The following TRPC4AP variants were observed in gnomAD, a reference collection of about 807,000 sequenced individuals.
TRPC4AP encodes short transient receptor potential channel 4-associated protein.
In TRPC4AP, 45 loss-of-function variants were observed where a neutral mutation model predicts 99.0. That is an observed-to-expected ratio of 0.45 (90% confidence interval 0.36 to 0.58). TRPC4AP has a LOEUF of 0.58. Among genes scored for constraint, TRPC4AP ranks in the 20% least tolerant of loss-of-function variants. The pLI is 0.00. For synonymous variants in TRPC4AP, 408 were observed against 385.8 expected (o/e 1.06, Z -0.67); for missense variants, 879 against 985.3 (o/e 0.89, Z 1.44).
chr20:35,080,725 T>C (rs1717153440), intron 1 of TRPC4AP, among the ~76,000 whole-genome samples: 1 of 151,726 alleles, frequency 6.6e-6, no homozygotes, highest in Admixed American at 6.6e-5. Context: ...TTTTGGGTGA[T>C]AAAATATTCT....
At chr20:35,021,461 G>C in intron 8 of TRPC4AP, 105 bp from the exon 9 acceptor site, 1 of 1,316,166 alleles carries the variant, frequency 7.6e-7, no homozygotes, top group Admixed American at 2.4e-5. Flanking sequence ...CATTCGGCTG[G>C]GCCATGAGCC....
rs2082521166 is a variant in TRPC4AP at position 35,006,501 on chromosome 20, C to T, written c.1761G>A (p.Gly587=). 1 of 1,614,190 alleles carries T rather than the reference C, an allele frequency of 6.2e-7. No individual in the cohort carries two copies. The change falls in exon 15 of 19, where the codon GGG becomes GGA. Residue 587 remains glycine (G), a synonymous_variant. Coordinates refer to ENST00000252015, the MANE Select transcript of TRPC4AP (RefSeq NM_015638.3). ...CATCAACGTTGAACTTCATCAGCTC[C>T]CCCAGGAGGTCAAAGTAACTCTGGA... ...DVLQSYFDLL[G]ELMKFNVDAF... is the part of the protein sequence containing the mutation.
Position 35,021,662 on chromosome 20 carries a change from A to G in TRPC4AP, c.1052-306T>C, listed in dbSNP as rs549828144. Among the ~76,000 whole-genome samples, 17 of 152,274 alleles carry G rather than the reference A, an allele frequency of 1.1e-4. No individual in the cohort carries two copies. The South Asian group carries it at 3.5e-3, about 32-fold the overall frequency. On this transcript the variant is annotated intron_variant, in intron 8 of 18. Transcript: ENST00000252015. ...CTGCTTATGCCCTTCTCCTGCCACC[A>G]ACCAGACCCCCAGGAAGTGCCCAGG...
chr20:35,061,932 T>A (rs1399247682), intron 3 of TRPC4AP, among the ~76,000 whole-genome samples: 2 of 152,118 alleles, frequency 1.3e-5, no homozygotes, highest in Non-Finnish European at 2.9e-5. Context: ...GGAAAATATT[T>A]GCAAATTACA....
At chr20:35,009,589 T>C (rs1474083275) in intron 12 of TRPC4AP, among the ~76,000 whole-genome samples, 2 of 152,154 alleles carry the variant, frequency 1.3e-5, no homozygotes, top group African/African-American at 4.8e-5. Flanking sequence ...GTGGCTGCAG[T>C]GAGCTATAAC....
chr20:35,005,896 C>T, intron 15 of TRPC4AP, 93 bp from the exon 16 acceptor site: 3 of 1,052,032 alleles, frequency 2.9e-6, no homozygotes, highest in Non-Finnish European at 4.3e-6. Context: ...GCATCAGCGA[C>T]CTCTACCAGC....
intron 2 of TRPC4AP, among the ~76,000 whole-genome samples, chr20:35,077,048 T>C (rs563705511): frequency 6.6e-6 from 1 of 152,336 alleles, no homozygotes; most frequent in East Asian, 1.9e-4. Context: ...TCCGTGGGCA[T>C]GGGACCCTCC....
intron 2 of TRPC4AP, 21 bp from the exon 3 acceptor site, chr20:35,069,433 T>G (rs1282343715): frequency 6.8e-7 from 1 of 1,478,310 alleles, no homozygotes; most frequent in South Asian, 1.1e-5. Context: ...TAAAAAAAAG[T>G]ACATACATTG....
At chr20:35,045,397 G>T (rs530292545) in intron 6 of TRPC4AP, among the ~76,000 whole-genome samples, 1 of 152,266 alleles carries the variant, frequency 6.6e-6, no homozygotes, top group Non-Finnish European at 1.5e-5. Flanking sequence ...AAGAGACAGG[G>T]TCTCACTCTG....
Position 35,016,102 on chromosome 20 carries a change from C to A in TRPC4AP, c.1256G>T (p.Gly419Val). 6.2e-7 allele frequency: 1 copy of A among 1,614,106 alleles called. No homozygotes were observed. Among genetic ancestry groups the A allele is most frequent in the Non-Finnish European group, 8.5e-7 (1 of 1,180,038 alleles). Residue 419 changes from glycine (G) to valine (V), a missense_variant, in exon 10 of 19, where the codon GGA becomes GTA. Physicochemically the swap from Gly to Val is moderately radical, Grantham distance 109. Transcript: ENST00000252015. Reference sequence around the variant, plus strand: ...CAGTTTGTCAAACAAATTATTAAGTCCAGGGATCAGCTTGAACTCTGCAAT... The same window carrying A: ...CAGTTTGTCAAACAAATTATTAAGTACAGGGATCAGCTTGAACTCTGCAAT... The part of the protein sequence containing the change: ...RMIAEFKLIP[G>V]LNNLFDKLIW...
chr20:35,019,541 G>A (rs1026544250), intron 9 of TRPC4AP, among the ~76,000 whole-genome samples: 1 of 152,126 alleles, frequency 6.6e-6, no homozygotes, highest in African/African-American at 2.4e-5. Context: ...GGGACACAGA[G>A]TCACCACCTG....
chr20:35,044,431 A>G, intron 7 of TRPC4AP, 74 bp downstream of exon 7: 4 of 1,415,690 alleles, frequency 2.8e-6, no homozygotes, highest in Non-Finnish European at 3.9e-6. Flanking sequence ...GAAAAGAAAA[A>G]GAAAAAAAAC....
At chr20:35,057,681 C>T in intron 3 of TRPC4AP, 110 bp from the exon 4 acceptor site, 3 of 841,346 alleles carry the variant, frequency 3.6e-6, no homozygotes, top group Non-Finnish European at 5.4e-6. Flanking sequence ...ATTACAAGAC[C>T]CTTTTGTTCC....
chr20:35,085,053 A>G (rs1216783349), intron 1 of TRPC4AP, among the ~76,000 whole-genome samples: 1 of 152,202 alleles, frequency 6.6e-6, no homozygotes, highest in Non-Finnish European at 1.5e-5. Context: ...AAAAGTGAAA[A>G]GAAACAGCTT....
chr20:35,078,556 A>C (rs916263463), intron 1 of TRPC4AP, among the ~76,000 whole-genome samples: 2 of 152,240 alleles, frequency 1.3e-5, no homozygotes, highest in African/African-American at 4.8e-5. Context: ...TAAGCCCATA[A>C]AAGGCAGAAA....
chr20:35,026,911 C>A (rs1286592004), intron 8 of TRPC4AP, among the ~76,000 whole-genome samples: 4 of 151,976 alleles, frequency 2.6e-5, no homozygotes, highest in Non-Finnish European at 5.9e-5. Flanking sequence ...GTATTCTGAA[C>A]CTTTGTTGAA....
At chr20:35,074,617 G>A (rs1390418228) in intron 2 of TRPC4AP, among the ~76,000 whole-genome samples, 1 of 152,180 alleles carries the variant, frequency 6.6e-6, no homozygotes, top group Non-Finnish European at 1.5e-5. Context: ...TAGTTTGATT[G>A]CACTGTTGTC....
At chr20:35,086,467 G>GTATATATA (rs1246604582) in intron 1 of TRPC4AP, among the ~76,000 whole-genome samples, 3 of 74,106 alleles carry the variant, frequency 4.0e-5, no homozygotes, top group African/African-American at 1.3e-4. Flanking sequence ...GTGTGTGTGT[G>GTATATATA]TGTGTGTGTA....
chr20:35,086,521 ATATATGTGTGTGTGTGTGTG>A (rs2084874368), intron 1 of TRPC4AP, among the ~76,000 whole-genome samples: 1 of 61,886 alleles, frequency 1.6e-5, no homozygotes, highest in African/African-American at 6.8e-5. Context: ...GTGTGTGTGT[ATATATGTGTGTGTGTGTGTG>A]TGTGTGTGTG....
Sources: allele counts gnomAD v4.1 joint callset (sites outside exome capture counted in the v4.1 genomes callset), GRCh38; gene constraint gnomAD v4.1.1; transcripts MANE v1.5; gene names NCBI Gene and HGNC (gene_info 2026-07-23, HGNC 2026-07-21).